Variants in LRP2BP observed in about 807,000 individuals in gnomAD.
LRP2BP encodes the protein LRP2 binding protein.
LRP2BP carries 38 observed loss-of-function variants against 45.2 expected under a neutral mutation model. The observed-to-expected ratio is 0.84, with a 90% CI of 0.65 to 1.10. The LOEUF is 1.10. Among genes scored for constraint, LRP2BP ranks in the 50% least tolerant of loss-of-function variants. The probability of loss-of-function intolerance (pLI) is 0.00; values close to 1 mark genes in which losing one functional copy is unlikely to be tolerated. For missense variants in LRP2BP, 385 were observed against 418.9 expected (o/e 0.92, Z 0.71); for synonymous variants, 153 against 153.9 (o/e 0.99, Z 0.04).
intron 1 of LRP2BP, among the ~76,000 whole-genome samples, chr4:185,384,033 A>G (rs1324684214): frequency 6.6e-6 from 1 of 152,198 alleles, no homozygotes; most frequent in Non-Finnish European, 1.5e-5. Context: ...TAGTCCTGAC[A>G]CAGTACCTGC....
intron 1 of LRP2BP, among the ~76,000 whole-genome samples, chr4:185,389,192 ATTTATT>A (rs931431622): frequency 2.6e-4 from 39 of 151,170 alleles, no homozygotes; most frequent in Admixed American, 4.6e-4. Flanking sequence ...TTTAATTTTT[ATTTATT>A]TTTATTTTTA....
intron 7 of LRP2BP, among the ~76,000 whole-genome samples, chr4:185,372,006 G>C (rs2095417784): frequency 6.6e-6 from 1 of 152,160 alleles, no homozygotes; most frequent in African/African-American, 2.4e-5. Flanking sequence ...TATACACTGT[G>C]GGTAAATACG....
At chr4:185,377,050 C>CCA in intron 2 of LRP2BP, 32 bp from the exon 3 acceptor site, 2 of 1,393,994 alleles carry the variant, frequency 1.4e-6, no homozygotes, top group South Asian at 2.3e-5. Flanking sequence ...ATTCCATCAA[C>CCA]CACACAATAT....
At chr4:185,384,946 A>G (rs1475400041) in intron 1 of LRP2BP, among the ~76,000 whole-genome samples, 1 of 89,924 alleles carries the variant, frequency 1.1e-5, no homozygotes, top group East Asian at 4.2e-4. Flanking sequence ...TTGTGTGTTT[A>G]AAACAAAAGT....
intron 7 of LRP2BP, chr4:185,371,065 G>A (rs2095413124): frequency 2.7e-6 from 1 of 374,884 alleles, no homozygotes; most frequent in African/African-American, 2.0e-5. Context: ...GGAAAACAAA[G>A]GTATGTTTCT....
At chr4:185,375,801 G>T in intron 3 of LRP2BP, 75 bp from the exon 4 acceptor site, 2 of 870,934 alleles carry the variant, frequency 2.3e-6, no homozygotes, top group African/African-American at 1.7e-5. Context: ...AAGTGGTCAA[G>T]TGTTTGTGCC....
At chr4:185,371,495 TCG>T (rs2126787980) in intron 7 of LRP2BP, among the ~76,000 whole-genome samples, 1 of 132,754 alleles carries the variant, frequency 7.5e-6, no homozygotes, top group Non-Finnish European at 1.5e-5. Context: ...TGAGCCGAGA[TCG>T]CACCACTGCA....
intron 1 of LRP2BP, 166 bp from the exon 2 acceptor site, chr4:185,378,373 A>C: frequency 2.1e-6 from 3 of 1,405,138 alleles, no homozygotes; most frequent in South Asian, 3.3e-5. Flanking sequence ...TTACTAGGAC[A>C]CCAAGACCCT....
Position 185,374,398 on chromosome 4 carries a change from T to C in LRP2BP, c.394A>G (p.Lys132Glu), listed in dbSNP as rs201323804. The change falls in exon 5 of 9, where the codon AAA becomes GAA. Residue 132 changes from lysine to glutamate, a missense_variant. Lys to Glu is a moderately conservative substitution (Grantham distance 56). Transcript: ENST00000505916. The part of the protein sequence containing the change: ...DSPCPKARHL[K>E]FAAAYNLGRA... ...CCGAGGTTGTAAGCAGCTGCAAATTTTAAGTGTCTTGCTTTGGGACATGGA... is the reference window on the plus strand; with the variant it reads ...CCGAGGTTGTAAGCAGCTGCAAATTCTAAGTGTCTTGCTTTGGGACATGGA... The C allele has an allele frequency of 1.3e-5, 21 of 1,614,086 alleles. No individual in the cohort carries two copies. The highest frequency in any genetic ancestry group is 1.1e-5 in the South Asian group (1 of 91,090).
intron 1 of LRP2BP, among the ~76,000 whole-genome samples, chr4:185,382,270 A>T (rs760819336): frequency 6.6e-6 from 1 of 152,220 alleles, no homozygotes; most frequent in Non-Finnish European, 1.5e-5. Context: ...TCATCAGTTG[A>T]TAAGCACTTG....
chr4:185,389,809 A>T (rs1280722970), intron 1 of LRP2BP, among the ~76,000 whole-genome samples: 1 of 152,204 alleles, frequency 6.6e-6, no homozygotes, highest in Non-Finnish European at 1.5e-5. Context: ...CTGACCTGGC[A>T]TTCTTGGGAG....
At chr4:185,391,116 G>A (rs749759627) in intron 1 of LRP2BP, among the ~76,000 whole-genome samples, 51 of 152,246 alleles carry the variant, frequency 3.3e-4, no homozygotes, top group Non-Finnish European at 1.6e-4. Flanking sequence ...TCACAGTTTT[G>A]AGGAATACTA....
intron 1 of LRP2BP, among the ~76,000 whole-genome samples, chr4:185,394,264 TAAAAAAA>T (rs56883920): frequency 2.5e-5 from 3 of 121,430 alleles, no homozygotes; most frequent in Non-Finnish European, 5.0e-5. Flanking sequence ...GTTTCAGAGT[TAAAAAAA>T]AAAAAAAAAA....
At chr4:185,385,631 G>A (rs371000048) in intron 1 of LRP2BP, among the ~76,000 whole-genome samples, 12 of 152,150 alleles carry the variant, frequency 7.9e-5, no homozygotes, top group East Asian at 1.9e-4. Context: ...GGCCAGGCGC[G>A]GTGGCTCATG....
At chr4:185,396,687 A>T, upstream of LRP2BP, 1 of 527,116 alleles carries the variant, frequency 1.9e-6, no homozygotes, top group South Asian at 2.4e-5. Context: ...TCCACGTGCC[A>T]GTGTTTGTGT....
chr4:185,376,829 G>A, intron 3 of LRP2BP, 80 bp downstream of exon 3: 1 of 960,660 alleles, frequency 1.0e-6, no homozygotes, highest in Non-Finnish European at 1.6e-6. Flanking sequence ...AACACAGTAA[G>A]AAACTCTACA....
chr4:185,396,936 G>A, upstream of LRP2BP: 1 of 1,613,654 alleles, frequency 6.2e-7, no homozygotes, highest in Non-Finnish European at 8.5e-7. Flanking sequence ...GCTGTTGCTG[G>A]ATTGCAACCC....
At chr4:185,371,540 TAAAAAAAAAAAAAA>T (rs11288148) in intron 7 of LRP2BP, among the ~76,000 whole-genome samples, 1 of 78,302 alleles carries the variant, frequency 1.3e-5, no homozygotes, top group Non-Finnish European at 2.5e-5. Flanking sequence ...AGACTCCGTC[TAAAAAAAAAAAAAA>T]AAAAAAAAAG....
At chr4:185,370,871 A>C (rs1257803533) in intron 7 of LRP2BP, 57 bp from the exon 8 acceptor site, 2 of 1,564,622 alleles carry the variant, frequency 1.3e-6, no homozygotes, top group African/African-American at 1.3e-5. Context: ...AAGTGTTTGT[A>C]AAACGATGCG....
Sources: gnomAD v4.1 joint callset for allele counts (sites outside exome capture counted in the v4.1 genomes callset) on GRCh38, gnomAD v4.1.1 for gene constraint, MANE v1.5 for transcripts, NCBI Gene and HGNC (gene_info 2026-07-23, HGNC 2026-07-21) for gene names.